MGST1: variants seen among roughly 807,000 people sequenced by gnomAD.
The protein encoded by MGST1 is glutathione S-transferase 12.
MGST1 carries 5 observed loss-of-function variants against 8.9 expected under a neutral mutation model. The observed-to-expected ratio is 0.56, with a 90% confidence interval of 0.29 to 1.19. MGST1 has a LOEUF of 1.19. MGST1 is among the 50% of genes most tolerant of loss of function. MGST1 has a pLI of 0.08. For synonymous variants in MGST1, 54 were observed against 67.8 expected (o/e 0.80, Z 1.00); for missense variants, 182 against 187.4 (o/e 0.97, Z 0.17).
In MGST1 at chr12:16,513,966, G is replaced by A. The variant is rs1275560403; in HGVS notation, n.483-75562G>A. ...GCGGTTTTGACTTCACAGACACTGTGGAGGACATTTCAAAAACACCAGAGC... is the reference window on the plus strand; with the variant it reads ...GCGGTTTTGACTTCACAGACACTGTAGAGGACATTTCAAAAACACCAGAGC... On this transcript the variant is annotated intron_variant and non_coding_transcript_variant, in intron 4 of 4. Coordinates refer to the MGST1 transcript ENST00000538857. The surrounding 1 kb of genome is among the most constrained non-coding windows in gnomAD (Gnocchi z 4.2). 1.2e-5 allele frequency: 6 copies of A among 493,144 alleles called. No individual in the cohort carries two copies. The highest frequency in any genetic ancestry group is 7.9e-5 in the African/African-American group (4 of 50,512). The allele number at this position is 493,144 out of a possible 1,614,324, so 30.5% of individuals were successfully genotyped here. A position where few individuals can be genotyped will look rare whatever the true frequency, so the allele number is the denominator to read the frequency against.
intron 4 of MGST1, among the ~76,000 whole-genome samples, chr12:16,484,301 G>A (rs977283914): frequency 6.6e-6 from 1 of 152,218 alleles, no homozygotes; most frequent in Admixed American, 6.5e-5. Flanking sequence ...AACATGATTG[G>A]TGAAGTTCTG....
chr12:16,367,847 C>CA (rs1240006147), downstream of MGST1, among the ~76,000 whole-genome samples: 1 of 136,666 alleles, frequency 7.3e-6, no homozygotes, highest in African/African-American at 3.2e-5. Flanking sequence ...AGTCTGATGA[C>CA]ACAGGACCCT....
chr12:16,516,201 G>C (rs531670497), intron 4 of MGST1, among the ~76,000 whole-genome samples: 3 of 152,218 alleles, frequency 2.0e-5, no homozygotes, highest in African/African-American at 7.2e-5. Context: ...AGGTAAGGGC[G>C]CTTCACACAA....
rs753618728 is a variant in MGST1 at position 16,363,995 on chromosome 12, C to T, written c.422C>T (p.Thr141Ile). Residue 141 changes from threonine to isoleucine, a missense_variant, in exon 4 of 4, where the codon ACT becomes ATT. Physicochemically the swap from Thr to Ile is moderately conservative, Grantham distance 89. Coordinates refer to ENST00000396210, the MANE Select transcript of MGST1 (RefSeq NM_020300.5). The surrounding 1 kb of genome is among the most constrained non-coding windows in gnomAD (Gnocchi z 4.6). ...AGTTTTTTTGTTGGATATGGAGTTA[C>T]TCTTTCCATGGCTTACAGGTTGCTG... ...ALSFFVGYGV[T>I]LSMAYRLLKS... 5.6e-6 allele frequency: 9 copies of T among 1,613,786 alleles called. No homozygotes were observed. In the East Asian group the frequency reaches 2.0e-4, roughly 36 times the overall value.
At chr12:16,360,215 A>G (rs1028521761) in intron 3 of MGST1, 3 of 379,238 alleles carry the variant, frequency 7.9e-6, no homozygotes, top group South Asian at 2.1e-4. Context: ...ACTTTTGGAG[A>G]CACTTTTCAG....
rs978234444 is a variant in MGST1 at position 16,503,755 on chromosome 12, T to C, written n.483-85773T>C. ...TAACACCTGGAAGTTACCACCCCTT[T>C]CCATGACAATGACCCAACGACCTGG... is the stretch of plus-strand genomic sequence containing the variant. On this transcript the variant is annotated intron_variant and non_coding_transcript_variant, in intron 4 of 4. Transcript: ENST00000538857. The surrounding 1 kb of genome is among the most constrained non-coding windows in gnomAD (Gnocchi z 4.8). 2.0e-5 allele frequency among the ~76,000 whole-genome samples: 3 copies of C among 152,286 alleles called. No individual in the cohort carries two copies. The highest frequency in any genetic ancestry group is 4.4e-5 in the Non-Finnish European group (3 of 68,020).
At chr12:16,380,050 T>C (rs1205281530), downstream of MGST1, among the ~76,000 whole-genome samples, 1 of 152,240 alleles carries the variant, frequency 6.6e-6, no homozygotes, top group African/African-American at 2.4e-5. Context: ...TTTATTAGTC[T>C]TGCTAGCGGT....
At chr12:16,549,810 G>GTAAT (rs983834788) in intron 4 of MGST1, 1 of 151,996 alleles carries the variant, frequency 6.6e-6, no homozygotes, top group Non-Finnish European at 1.5e-5. Flanking sequence ...TTCCTTAATT[G>GTAAT]TAATTTAAAT....
rs1278842787 is a variant in MGST1, at chr12:16,537,425, A to G, written n.483-52103A>G. On this transcript the variant is annotated intron_variant and non_coding_transcript_variant, in intron 4 of 4. Transcript: ENST00000538857. The surrounding 1 kb of genome is among the most constrained non-coding windows in gnomAD (Gnocchi z 4.6). ...AAGCTGTGGGATCTACCATTCTGGGATCTGGAGCATGGTGGCCCTCTTCTC... is the reference window on the plus strand; with the variant it reads ...AAGCTGTGGGATCTACCATTCTGGGGTCTGGAGCATGGTGGCCCTCTTCTC... Among the ~76,000 whole-genome samples the G allele has an allele frequency of 6.6e-6, 1 of 152,060 alleles. No individual in the cohort carries two copies. Among genetic ancestry groups the G allele is most frequent in the East Asian group, 1.9e-4 (1 of 5,160 alleles).
intron 1 of MGST1, among the ~76,000 whole-genome samples, chr12:16,385,595 T>G (rs1187304744): frequency 6.6e-6 from 1 of 152,174 alleles, no homozygotes; most frequent in Non-Finnish European, 1.5e-5. Context: ...GGAAAAAGTC[T>G]GTTTCAAACA....
At chr12:16,412,372 G>A (rs1325037331) in intron 1 of MGST1, among the ~76,000 whole-genome samples, 1 of 152,156 alleles carries the variant, frequency 6.6e-6, no homozygotes, top group Admixed American at 6.6e-5. Flanking sequence ...ATTATTTTGA[G>A]CTATTAATTT....
At chr12:16,364,474 G>GA, downstream of MGST1, 1 of 865,020 alleles carries the variant, frequency 1.2e-6, no homozygotes, top group Non-Finnish European at 1.4e-6. The surrounding 1 kb of genome is among the most constrained non-coding windows in gnomAD (Gnocchi z 5.7). Context: ...GGGTAAAGTT[G>GA]AAAAATAGTA....
chr12:16,490,124 A>T (rs1446963601), intron 4 of MGST1, among the ~76,000 whole-genome samples: 1 of 152,060 alleles, frequency 6.6e-6, no homozygotes, highest in Non-Finnish European at 1.5e-5. Context: ...GTAGCTGGGC[A>T]TGATAGCATG....
intron 4 of MGST1, among the ~76,000 whole-genome samples, chr12:16,462,288 T>C (rs1006180464): frequency 1.3e-5 from 2 of 152,128 alleles, no homozygotes; most frequent in Non-Finnish European, 2.9e-5. Flanking sequence ...AGGAACAGGG[T>C]GAATATACTA....
Position 16,560,458 on chromosome 12 carries a change from T to C in MGST1, n.483-29070T>C, listed in dbSNP as rs762735860. 6.2e-7 allele frequency: 1 copy of C among 1,613,972 alleles called. No homozygotes were observed. Among genetic ancestry groups the C allele is most frequent in the Non-Finnish European group, 8.5e-7 (1 of 1,179,910 alleles). The stretch of plus-strand genomic sequence containing the variant: ...TGCAAAGCAGTCCAGGTGGTAAACA[T>C]TGTCCTTGGCACGCATCACCATCTC... On this transcript the variant is annotated intron_variant and non_coding_transcript_variant, in intron 4 of 4. Coordinates refer to the MGST1 transcript ENST00000538857. The surrounding 1 kb of genome is among the most constrained non-coding windows in gnomAD (Gnocchi z 5.0).
At chr12:16,392,227 A>G (rs1202501440) in intron 1 of MGST1, among the ~76,000 whole-genome samples, 2 of 152,146 alleles carry the variant, frequency 1.3e-5, no homozygotes, top group Non-Finnish European at 2.9e-5. Flanking sequence ...TCTTATCTCT[A>G]GAATTCTTTT....
At position 16,363,112 on chromosome 12, in the gene MGST1, C is replaced by A. The variant is rs915073321; in HGVS notation, c.222-683C>A. The A allele has an allele frequency of 6.6e-6, 1 of 152,084 alleles. No homozygotes were observed. Among genetic ancestry groups the A allele is most frequent in the African/African-American group, 2.4e-5 (1 of 41,434 alleles). The allele number at this position is 152,084 out of a possible 1,614,324, so 9.4% of individuals were successfully genotyped here. A position where few individuals can be genotyped will look rare whatever the true frequency, so the allele number is the denominator to read the frequency against. ...TTATAAAGAAAACATTTAGGAAATT[C>A]TCTCTTTCTCTCTTTCACCTATCCT... On this transcript the variant is annotated intron_variant, in intron 3 of 3. Transcript: ENST00000396210. This position sits in a 1 kb window ranked among gnomAD's most constrained non-coding sequence, Gnocchi z 4.6.
intron 1 of MGST1, among the ~76,000 whole-genome samples, chr12:16,388,242 A>G (rs1940522179): frequency 6.6e-6 from 1 of 152,060 alleles, no homozygotes; most frequent in Admixed American, 6.5e-5. Context: ...TTGTGTACCT[A>G]AACATAGAAA....
Position 16,421,469 on chromosome 12 carries a change from T to A in MGST1, n.779-15919T>A, listed in dbSNP as rs142387138. Among the ~76,000 whole-genome samples the A allele has an allele frequency of 3.2e-3, 486 of 152,296 alleles. 3 individuals are homozygous for A. Among genetic ancestry groups the A allele is most frequent in the African/African-American group, 0.011 (469 of 41,582 alleles). On this transcript the variant is annotated intron_variant and non_coding_transcript_variant, in intron 1 of 1. Coordinates refer to the MGST1 transcript ENST00000359720. ...TAATGGAAATCACTAATTCCCCAAA[T>A]GGGATCACTTCTATTTCTAGTTTAT...
Sources: allele counts gnomAD v4.1 joint callset (sites outside exome capture counted in the v4.1 genomes callset), GRCh38; gene constraint gnomAD v4.1.1; non-coding constraint Gnocchi (gnomAD v3.1); transcripts MANE v1.5; gene names NCBI Gene and HGNC (gene_info 2026-07-23, HGNC 2026-07-21).